The following PINX1 variants were observed in gnomAD, a reference collection of about 807,000 sequenced individuals.
PINX1 encodes the protein PIN2/TERF1-interacting telomerase inhibitor 1.
In PINX1, 34 loss-of-function variants were observed where a neutral mutation model predicts 25.4. The ratio of observed to expected loss-of-function variants is 1.34; its 90% CI spans 1.02 to 1.78. The LOEUF (loss-of-function observed/expected upper bound fraction) is 1.78, where lower values mean the gene tolerates loss of function less well. Among genes scored for constraint, PINX1 ranks in the 40% most tolerant of loss-of-function variants. The pLI is 0.00. For missense variants in PINX1, 592 were observed against 404.9 expected, an observed-to-expected ratio of 1.46 and a Z score of -3.97; for synonymous variants, 197 against 147.7, an observed-to-expected ratio of 1.33 and a Z score of -2.42.
At chr8:10,774,381 A>C (rs149023801) in intron 6 of PINX1, among the ~76,000 whole-genome samples, 11,188 of 151,910 alleles carry the variant, frequency 0.074, 552 homozygotes, top group African/African-American at 0.14. Context: ...TCCAGGGTTC[A>C]AGTGATTCTC....
chr8:10,835,399 C>G (rs921510849), intron 1 of PINX1, among the ~76,000 whole-genome samples: 1 of 152,174 alleles, frequency 6.6e-6, no homozygotes, highest in Non-Finnish European at 1.5e-5. Context: ...AACCTTGGTC[C>G]TACTAACTTC....
intron 1 of PINX1, among the ~76,000 whole-genome samples, 169 bp from the exon 2 acceptor site, chr8:10,834,944 T>C (rs1475311427): frequency 6.6e-6 from 1 of 152,260 alleles, no homozygotes; most frequent in Non-Finnish European, 1.5e-5. Context: ...CTGGATCATT[T>C]ATCCTGATTT....
intron 6 of PINX1, among the ~76,000 whole-genome samples, chr8:10,770,116 G>A (rs1020580054): frequency 6.6e-6 from 1 of 152,214 alleles, no homozygotes; most frequent in African/African-American, 2.4e-5. Context: ...TTAAAGCACA[G>A]AGTAAAACCC....
At chr8:10,797,387 G>A (rs1802119517) in intron 6 of PINX1, among the ~76,000 whole-genome samples, 1 of 152,194 alleles carries the variant, frequency 6.6e-6, no homozygotes, top group African/African-American at 2.4e-5. Context: ...CACTTCTACT[G>A]CACTTAGCTC....
intron 5 of PINX1, among the ~76,000 whole-genome samples, chr8:10,824,775 G>C (rs1276229596): frequency 6.6e-6 from 1 of 152,196 alleles, no homozygotes; most frequent in African/African-American, 2.4e-5. Flanking sequence ...GAAAGTTACA[G>C]GTCACTGAGT....
At chr8:10,833,229 G>A (rs189553176) in intron 2 of PINX1, among the ~76,000 whole-genome samples, 108 of 152,332 alleles carry the variant, frequency 7.1e-4, no homozygotes, top group Middle Eastern at 3.4e-3. Flanking sequence ...AAAAAACTCA[G>A]TGTACTGGGA....
chr8:10,798,208 T>A (rs893475533), intron 6 of PINX1, among the ~76,000 whole-genome samples: 1 of 152,220 alleles, frequency 6.6e-6, no homozygotes, highest in East Asian at 1.9e-4. Context: ...TTAGAGTCCA[T>A]GTGGCCTGGG....
chr8:10,778,309 T>A (rs2129073113), intron 6 of PINX1, among the ~76,000 whole-genome samples: 1 of 152,262 alleles, frequency 6.6e-6, no homozygotes, highest in Non-Finnish European at 1.5e-5. Flanking sequence ...CAACCTGGAA[T>A]ATCAATATAA....
chr8:10,788,893 T>C (rs973026310), intron 6 of PINX1, among the ~76,000 whole-genome samples: 5 of 149,478 alleles, frequency 3.3e-5, no homozygotes, highest in African/African-American at 9.9e-5. Context: ...GGTTTTTCCC[T>C]GAAAGAGTCA....
chr8:10,820,430 C>A, intron 5 of PINX1, 161 bp from the exon 6 acceptor site: 1 of 663,010 alleles, frequency 1.5e-6, no homozygotes, highest in South Asian at 1.7e-5. Flanking sequence ...ACAACTCTTT[C>A]ATTAGTAAAC....
chr8:10,769,368 C>G (rs17152342), intron 6 of PINX1, among the ~76,000 whole-genome samples: 2,795 of 152,304 alleles, frequency 0.018, 79 homozygotes, highest in African/African-American at 0.064. Flanking sequence ...GAGTGCATCA[C>G]ATGTGTCAAA....
At chr8:10,773,205 A>T (rs563018502) in intron 6 of PINX1, among the ~76,000 whole-genome samples, 1 of 152,320 alleles carries the variant, frequency 6.6e-6, no homozygotes, top group African/African-American at 2.4e-5. Context: ...TCCAGTGCAC[A>T]CACACAATAT....
chr8:10,800,840 C>G (rs1272958933), intron 6 of PINX1, among the ~76,000 whole-genome samples: 3 of 152,198 alleles, frequency 2.0e-5, no homozygotes, highest in Non-Finnish European at 4.4e-5. Flanking sequence ...CTTCTCTTTG[C>G]TTTCCCACCT....
At chr8:10,827,849 T>C (rs1798104913) in intron 4 of PINX1, among the ~76,000 whole-genome samples, 1 of 143,650 alleles carries the variant, frequency 7.0e-6, no homozygotes, top group Non-Finnish European at 1.5e-5. Context: ...AGGCAGAGCT[T>C]GCAGCGAGCC....
chr8:10,806,926 G>C (rs907620698), intron 6 of PINX1, among the ~76,000 whole-genome samples: 16 of 152,292 alleles, frequency 1.1e-4, no homozygotes, highest in African/African-American at 3.8e-4. Context: ...CTGACATCTG[G>C]GGGTTCCCTA....
chr8:10,779,953 C>T (rs1170672429), intron 6 of PINX1, among the ~76,000 whole-genome samples: 1 of 152,080 alleles, frequency 6.6e-6, no homozygotes, highest in Non-Finnish European at 1.5e-5. Context: ...CACAGTGGAC[C>T]TGGAAACTCT....
intron 3 of PINX1, among the ~76,000 whole-genome samples, chr8:10,832,658 T>C (rs886563943): frequency 3.3e-5 from 5 of 152,188 alleles, no homozygotes; most frequent in Non-Finnish European, 7.4e-5. Context: ...AACAAAACTT[T>C]TCAGTTTAGA....
At chr8:10,810,428 C>T (rs1797461586) in intron 6 of PINX1, among the ~76,000 whole-genome samples, 1 of 152,210 alleles carries the variant, frequency 6.6e-6, no homozygotes, top group African/African-American at 2.4e-5. Flanking sequence ...AGCTCAACTT[C>T]CAATTCTTCT....
intron 4 of PINX1, 142 bp downstream of exon 4, chr8:10,831,523 C>A (rs1352056042): frequency 1.8e-5 from 11 of 627,510 alleles, no homozygotes; most frequent in Non-Finnish European, 2.9e-5. Flanking sequence ...GTGTACATTA[C>A]AAATTGTGCA....
Sources: gnomAD v4.1 joint callset for allele counts (sites outside exome capture counted in the v4.1 genomes callset) on GRCh38, gnomAD v4.1.1 for gene constraint, MANE v1.5 for transcripts, NCBI Gene and HGNC (gene_info 2026-07-23, HGNC 2026-07-21) for gene names.